Variants in OSGIN2 observed in about 807,000 individuals in gnomAD.
OSGIN2 encodes oxidative stress induced growth inhibitor family member 2, also known as oxidative stress-induced growth inhibitor 2.
In OSGIN2, 19 loss-of-function variants were observed where a neutral mutation model predicts 53.8. The ratio of observed to expected loss-of-function variants is 0.35; its 90% CI spans 0.25 to 0.52. The LOEUF (loss-of-function observed/expected upper bound fraction) is 0.52, where lower values mean the gene tolerates loss of function less well. Ranked by LOEUF, OSGIN2 falls within the 20% of genes least tolerant of loss-of-function variation. The pLI is 0.95. For missense variants in OSGIN2, 520 were observed against 662.7 expected (o/e 0.78, Z 2.36); for synonymous variants, 236 against 236.0 (o/e 1.00, Z 0.00).
At chr8:89,908,464 T>C (rs545835716) in intron 1 of OSGIN2, among the ~76,000 whole-genome samples, 26 of 152,286 alleles carry the variant, frequency 1.7e-4, no homozygotes, top group South Asian at 2.1e-4. Flanking sequence ...CTGATTCTTT[T>C]CTGTTTATCA....
At chr8:89,904,581 C>T (rs149903728) in intron 1 of OSGIN2, among the ~76,000 whole-genome samples, 2 of 151,768 alleles carry the variant, frequency 1.3e-5, no homozygotes, top group African/African-American at 4.8e-5. Context: ...TCTGATTTAC[C>T]AGTGCTATTT....
upstream of OSGIN2, chr8:89,902,491 G>A (rs1020556857): frequency 1.3e-5 from 2 of 152,900 alleles, no homozygotes; most frequent in Non-Finnish European, 2.9e-5. Flanking sequence ...TGCGAGGAGG[G>A]GCCCGCGCGC....
At chr8:89,923,035 A>G (rs572997412) in intron 5 of OSGIN2, among the ~76,000 whole-genome samples, 13 of 152,304 alleles carry the variant, frequency 8.5e-5, no homozygotes, top group African/African-American at 2.4e-4. Context: ...GTATACCTGT[A>G]TAAGGGCGCT....
chr8:89,924,981 A>T lies in OSGIN2; in HGVS notation c.1099A>T (p.Ser367Cys). 6.2e-7 allele frequency: 1 copy of T among 1,614,188 alleles called. No homozygotes were observed. Among genetic ancestry groups the T allele is most frequent in the Non-Finnish European group, 8.5e-7 (1 of 1,180,000 alleles). The change falls in exon 6 of 6, where the codon AGT (serine) becomes TGT (cysteine). Residue 367 changes from serine to cysteine, a missense_variant. Around this residue, in one of 3 missense-constraint regions of OSGIN2, gnomAD observed 239 missense variants for 328.3 expected, o/e 0.73. Coordinates refer to ENST00000451899, the MANE Select transcript of OSGIN2 (RefSeq NM_001126111.3). ...AADAVLCAYN[S>C]NIPVIHVFRR... ...TGACGCAGTACTGTGTGCTTACAAC[A>T]GTAATATCCCTGTGATTCATGTGTT...
At chr8:89,909,394 T>C (rs1364179835) in intron 1 of OSGIN2, among the ~76,000 whole-genome samples, 173 bp from the exon 2 acceptor site, 6 of 152,182 alleles carry the variant, frequency 3.9e-5, no homozygotes, top group Non-Finnish European at 5.9e-5. Context: ...TTGGTATAGG[T>C]TGACATGTAG....
chr8:89,913,240 G>A (rs1382229469), intron 2 of OSGIN2, among the ~76,000 whole-genome samples: 1 of 152,130 alleles, frequency 6.6e-6, no homozygotes, highest in Non-Finnish European at 1.5e-5. Flanking sequence ...ATTTTGGGAA[G>A]GACTGTTACC....
intron 4 of OSGIN2, among the ~76,000 whole-genome samples, chr8:89,919,619 GGTTC>G (rs1407802674): frequency 6.6e-6 from 1 of 152,182 alleles, no homozygotes; most frequent in Non-Finnish European, 1.5e-5. Context: ...AGCCAAGCCT[GGTTC>G]TGAAGACAGG....
intron 5 of OSGIN2, 28 bp downstream of exon 5, chr8:89,921,199 T>C: frequency 7.8e-7 from 1 of 1,285,530 alleles, no homozygotes; most frequent in Non-Finnish European, 1.1e-6. Flanking sequence ...TTAAAATTCT[T>C]TGGTGTACGT....
chr8:89,913,126 A>G (rs149762909), intron 2 of OSGIN2, among the ~76,000 whole-genome samples: 1 of 152,324 alleles, frequency 6.6e-6, no homozygotes, highest in Non-Finnish European at 1.5e-5. Flanking sequence ...GTGACTCTTC[A>G]GCAGTAAAGG....
chr8:89,907,059 A>G (rs1211168898), intron 1 of OSGIN2, among the ~76,000 whole-genome samples: 2 of 152,240 alleles, frequency 1.3e-5, no homozygotes, highest in African/African-American at 2.4e-5. Context: ...GGCTGCCTGT[A>G]TGTCTTCTTT....
intron 4 of OSGIN2, among the ~76,000 whole-genome samples, chr8:89,914,975 A>G (rs1015270370): frequency 3.9e-5 from 6 of 152,242 alleles, no homozygotes; most frequent in Admixed American, 1.3e-4. Context: ...TCTCTATACT[A>G]TCTTACAAGA....
chr8:89,912,703 G>A (rs939540821), intron 2 of OSGIN2, among the ~76,000 whole-genome samples: 2 of 151,684 alleles, frequency 1.3e-5, no homozygotes, highest in Non-Finnish European at 2.9e-5. Context: ...CCGAGATCAT[G>A]CCACTGCACT....
intron 4 of OSGIN2, among the ~76,000 whole-genome samples, chr8:89,920,686 T>C (rs925571487): frequency 3.9e-5 from 6 of 152,246 alleles, no homozygotes; most frequent in Admixed American, 2.0e-4. Context: ...ATCTAAAATT[T>C]TGGAACTTAA....
rs185785109 is a variant in OSGIN2, at chr8:89,918,821, A to G, written c.529-2259A>G. Among the ~76,000 whole-genome samples the G allele has an allele frequency of 5.8e-4, 89 of 152,234 alleles. 1 individual carries two copies. In the East Asian group the frequency reaches 9.8e-3, roughly 17 times the overall value. ...CTTGATTTCTCTTTCTTCAACTCCCATTTCAAATTAATCACCAAATCTTTT... is the reference window on the plus strand; with the variant it reads ...CTTGATTTCTCTTTCTTCAACTCCCGTTTCAAATTAATCACCAAATCTTTT... On this transcript the variant is annotated intron_variant, in intron 4 of 5. Transcript: ENST00000451899.
At chr8:89,921,348 A>C in intron 5 of OSGIN2, 177 bp downstream of exon 5, 1 of 516,848 alleles carries the variant, frequency 1.9e-6, no homozygotes, top group Admixed American at 3.7e-5. Context: ...GAGATGTTAT[A>C]AAACTAAGCA....
chr8:89,920,574 G>A (rs1809176985), intron 4 of OSGIN2, among the ~76,000 whole-genome samples: 1 of 152,210 alleles, frequency 6.6e-6, no homozygotes, highest in Non-Finnish European at 1.5e-5. Context: ...AGATGCTGCT[G>A]TATCCACATC....
intron 1 of OSGIN2, among the ~76,000 whole-genome samples, chr8:89,907,689 G>A (rs1404636765): frequency 6.6e-6 from 1 of 152,100 alleles, no homozygotes; most frequent in Admixed American, 6.5e-5. Context: ...AGTCAGGTGA[G>A]GTGATGCTTC....
intron 4 of OSGIN2, among the ~76,000 whole-genome samples, chr8:89,915,016 G>A (rs1372142555): frequency 2.0e-5 from 3 of 152,064 alleles, no homozygotes; most frequent in Non-Finnish European, 2.9e-5. Context: ...AGAATGTTTT[G>A]TATAATAAAA....
chr8:89,923,725 A>G (rs1220459753), intron 5 of OSGIN2, among the ~76,000 whole-genome samples: 4 of 152,228 alleles, frequency 2.6e-5, no homozygotes, highest in Non-Finnish European at 5.9e-5. Flanking sequence ...TTGACTTAAA[A>G]TATTTTCAAC....
Sources: gnomAD v4.1 joint callset for allele counts (sites outside exome capture counted in the v4.1 genomes callset) on GRCh38, gnomAD v4.1.1 for gene constraint, gnomAD v4.1.1 regional missense constraint, MANE v1.5 for transcripts, NCBI Gene and HGNC (gene_info 2026-07-23, HGNC 2026-07-21) for gene names.